Variants in SORCS1 observed in about 807,000 individuals in gnomAD.
SORCS1 encodes the protein VPS10 domain-containing receptor SorCS1.
A neutral mutation model predicts 146.1 loss-of-function variants in SORCS1; 60 were observed. That is an observed-to-expected ratio of 0.41 (90% confidence interval 0.33 to 0.51). The LOEUF (loss-of-function observed/expected upper bound fraction) is 0.51. Ranked by LOEUF, SORCS1 falls within the 20% of genes least tolerant of loss-of-function variation. The probability of loss-of-function intolerance (pLI) is 0.21; values close to 1 mark genes in which losing one functional copy is unlikely to be tolerated. For synonymous variants in SORCS1, 637 were observed against 584.0 expected (o/e 1.09, Z -1.31); for missense variants, 1,352 against 1,487.6 (o/e 0.91, Z 1.50).
chr10:107,119,643 T>C (rs1249142540), intron 1 of SORCS1, among the ~76,000 whole-genome samples: 3 of 152,188 alleles, frequency 2.0e-5, no homozygotes, highest in Admixed American at 2.0e-4. Context: ...TCATTTATTA[T>C]TAGAAGCCTT....
chr10:106,988,662 C>T (rs1242148706), intron 1 of SORCS1, among the ~76,000 whole-genome samples: 1 of 151,914 alleles, frequency 6.6e-6, no homozygotes, highest in African/African-American at 2.4e-5. Flanking sequence ...TGGGAATTGG[C>T]AGAGTAGGAA....
chr10:106,971,622 G>T (rs796305089), intron 1 of SORCS1, among the ~76,000 whole-genome samples: 32 of 152,348 alleles, frequency 2.1e-4, no homozygotes, highest in African/African-American at 7.5e-4. Flanking sequence ...TAACTCTTTT[G>T]TGAGGGCTGA....
intron 22 of SORCS1, 102 bp downstream of exon 22, chr10:106,611,809 G>GGTTA (rs1279222704): frequency 5.6e-5 from 32 of 573,682 alleles, no homozygotes; most frequent in African/African-American, 2.7e-4. Flanking sequence ...CTTCCTGCTG[G>GGTTA]GTTAGTTTGT....
chr10:106,717,122 T>C, intron 6 of SORCS1, among the ~76,000 whole-genome samples: 1 of 152,208 alleles, frequency 6.6e-6, no homozygotes. Context: ...AACTCACCTA[T>C]TCCTCATTGT....
chr10:106,674,068 G>C (rs1851816591), intron 14 of SORCS1, among the ~76,000 whole-genome samples: 1 of 150,852 alleles, frequency 6.6e-6, no homozygotes, highest in Non-Finnish European at 1.5e-5. Flanking sequence ...TGTAATCCCA[G>C]TACTTTGGGA....
intron 24 of SORCS1, among the ~76,000 whole-genome samples, chr10:106,591,318 T>G (rs1483535065): frequency 6.6e-6 from 1 of 152,054 alleles, no homozygotes; most frequent in Non-Finnish European, 1.5e-5. Flanking sequence ...ACAATGTGTA[T>G]ATAAACAATT....
At chr10:106,592,251 A>G (rs1486797382) in intron 24 of SORCS1, among the ~76,000 whole-genome samples, 1 of 152,238 alleles carries the variant, frequency 6.6e-6, no homozygotes, top group Non-Finnish European at 1.5e-5. Context: ...AGGAATGGCT[A>G]GGAACAAAAC....
chr10:106,713,848 G>C (rs1329537219), intron 6 of SORCS1, among the ~76,000 whole-genome samples: 3 of 152,114 alleles, frequency 2.0e-5, no homozygotes, highest in Non-Finnish European at 2.9e-5. Flanking sequence ...GGTTCAAACA[G>C]ATACCCCAAG....
chr10:107,148,592 A>G (rs1454272421), intron 1 of SORCS1, among the ~76,000 whole-genome samples: 1 of 152,222 alleles, frequency 6.6e-6, no homozygotes, highest in East Asian at 1.9e-4. Context: ...ACCTGCAACA[A>G]AAGATAAATT....
chr10:107,160,993 C>T (rs1013570746), intron 1 of SORCS1, among the ~76,000 whole-genome samples: 3 of 152,178 alleles, frequency 2.0e-5, no homozygotes, highest in African/African-American at 4.8e-5. Context: ...TACCCAGCAC[C>T]TTTCATGCCA....
At chr10:106,699,587 C>T (rs1853976584) in intron 8 of SORCS1, among the ~76,000 whole-genome samples, 194 bp from the exon 9 acceptor site, 1 of 152,032 alleles carries the variant, frequency 6.6e-6, no homozygotes, top group Non-Finnish European at 1.5e-5. Context: ...TGGGGTTAGG[C>T]AATAAGGTCA....
At chr10:106,830,277 T>C (rs905918497) in intron 2 of SORCS1, among the ~76,000 whole-genome samples, 3 of 152,202 alleles carry the variant, frequency 2.0e-5, no homozygotes, top group Non-Finnish European at 2.9e-5. Context: ...TTTTTTCCTA[T>C]AGAGCCTCTC....
chr10:106,771,188 G>A (rs1859996319), intron 4 of SORCS1, among the ~76,000 whole-genome samples: 1 of 151,972 alleles, frequency 6.6e-6, no homozygotes, highest in South Asian at 2.1e-4. Context: ...GCAAAGCTGA[G>A]GTATACACAG....
At chr10:106,588,533 G>C in intron 24 of SORCS1, among the ~76,000 whole-genome samples, 1 of 152,154 alleles carries the variant, frequency 6.6e-6, no homozygotes, top group Non-Finnish European at 1.5e-5. Context: ...AGAGGCCACC[G>C]TCGTAAGCAT....
chr10:106,784,739 A>T (rs1258324180), intron 3 of SORCS1, among the ~76,000 whole-genome samples: 2 of 152,218 alleles, frequency 1.3e-5, no homozygotes, highest in Non-Finnish European at 2.9e-5. Context: ...TTTACAAGAA[A>T]TGATGTTCAT....
intron 1 of SORCS1, among the ~76,000 whole-genome samples, chr10:107,046,112 A>C (rs1279615368): frequency 6.6e-6 from 1 of 151,928 alleles, no homozygotes; most frequent in Admixed American, 6.6e-5. Flanking sequence ...ACGCCCAGAT[A>C]ATTTTTGAAT....
chr10:106,897,371 TTTTTAGAA>T (rs1171336079), intron 2 of SORCS1, among the ~76,000 whole-genome samples: 1 of 152,020 alleles, frequency 6.6e-6, no homozygotes, highest in Non-Finnish European at 1.5e-5. Context: ...ATGACAAAGG[TTTTTAGAA>T]TTTATTGTCC....
chr10:107,050,920 TC>T (rs1271181021), intron 1 of SORCS1, among the ~76,000 whole-genome samples: 1 of 152,156 alleles, frequency 6.6e-6, no homozygotes, highest in Admixed American at 6.5e-5. Context: ...CATTCACATA[TC>T]CTTTCAGTCT....
chr10:106,996,320 AT>A (rs1957000912), intron 1 of SORCS1, among the ~76,000 whole-genome samples: 1 of 151,870 alleles, frequency 6.6e-6, no homozygotes, highest in Non-Finnish European at 1.5e-5. Flanking sequence ...CTGAGCCTCT[AT>A]ACAAGGGAAC....
Sources: gnomAD v4.1 joint callset for allele counts (sites outside exome capture counted in the v4.1 genomes callset) on GRCh38, gnomAD v4.1.1 for gene constraint, MANE v1.5 for transcripts, NCBI Gene and HGNC (gene_info 2026-07-23, HGNC 2026-07-21) for gene names.